The following CACNB2 variants were observed in gnomAD, a reference collection of about 807,000 sequenced individuals.
CACNB2 encodes the protein voltage-dependent L-type calcium channel subunit beta-2.
In CACNB2, 42 loss-of-function variants were observed where a neutral mutation model predicts 73.3. The ratio of observed to expected loss-of-function variants is 0.57; its 90% CI spans 0.45 to 0.74. The LOEUF is 0.74. Ranked by LOEUF, CACNB2 falls within the 30% of genes least tolerant of loss-of-function variation. The pLI, the probability that CACNB2 is intolerant of heterozygous loss-of-function variation, is 0.00. For synonymous variants in CACNB2, 348 were observed against 310.3 expected (o/e 1.12, Z -1.28); for missense variants, 940 against 853.0 (o/e 1.10, Z -1.27).
chr10:18,440,953 T>A (rs755681515), intron 3 of CACNB2, among the ~76,000 whole-genome samples: 2 of 152,198 alleles, frequency 1.3e-5, no homozygotes, highest in African/African-American at 2.4e-5. Context: ...GTGGCATGAT[T>A]TGATATAAAC....
At position 18,297,729 on chromosome 10, in the gene CACNB2, G is replaced by A. The variant is rs78861821; in HGVS notation, c.214-104195G>A. Among the ~76,000 whole-genome samples, 1,370 of 152,248 alleles carry A rather than the reference G, an allele frequency of 9.0e-3. 14 individuals carry two copies. Among genetic ancestry groups the A allele is most frequent in the African/African-American group, 0.031 (1,290 of 41,540 alleles). ...GGGTTTGAGCCCAGATTTTAGGTGA[G>A]ATGAGCTTTCAGCTGGTGGAACATC... On this transcript the variant is annotated intron_variant, in intron 2 of 13. Transcript: ENST00000324631.
chr10:18,276,956 A>T (rs1376737134), intron 2 of CACNB2, among the ~76,000 whole-genome samples: 2 of 152,166 alleles, frequency 1.3e-5, no homozygotes, highest in African/African-American at 4.8e-5. Flanking sequence ...CCACAAAAAA[A>T]TTAAAAAATT....
intron 3 of CACNB2, among the ~76,000 whole-genome samples, chr10:18,425,612 G>A (rs1350202442): frequency 6.6e-6 from 1 of 152,120 alleles, no homozygotes; most frequent in Non-Finnish European, 1.5e-5. Context: ...AGGCTGCAGT[G>A]AGCCGACATT....
intron 2 of CACNB2, among the ~76,000 whole-genome samples, chr10:18,325,419 T>C (rs911277187): frequency 6.6e-6 from 1 of 152,076 alleles, no homozygotes; most frequent in Non-Finnish European, 1.5e-5. Flanking sequence ...GGTCTTGAAC[T>C]CCTGGTCTCA....
chr10:18,499,443 C>T (rs1433075880), intron 4 of CACNB2, among the ~76,000 whole-genome samples: 1 of 151,876 alleles, frequency 6.6e-6, no homozygotes, highest in African/African-American at 2.4e-5. Context: ...TGGTGAACCC[C>T]GTCTCCACTA....
chr10:18,364,546 C>A (rs186012586), intron 2 of CACNB2, among the ~76,000 whole-genome samples: 3 of 152,200 alleles, frequency 2.0e-5, no homozygotes, highest in African/African-American at 7.2e-5. Flanking sequence ...GTGATCCACC[C>A]ACCTTGGCCT....
intron 2 of CACNB2, among the ~76,000 whole-genome samples, chr10:18,179,243 A>T (rs190843477): frequency 6.6e-6 from 1 of 152,292 alleles, no homozygotes; most frequent in East Asian, 1.9e-4. Context: ...GGACAGAAAA[A>T]GAAAGGGTTT....
In CACNB2 at chr10:18,200,262, CA is replaced by C. The variant is rs908629004; in HGVS notation, c.213+49296del. Among the ~76,000 whole-genome samples the C allele has an allele frequency of 2.9e-3, 434 of 148,410 alleles. 1 individual carries two copies. The highest frequency in any genetic ancestry group is 0.01 in the African/African-American group (397 of 39,336). Reference sequence around the variant, plus strand: ...TTGTAGGTATTACATTAATTATACTCAAAAAAAAAGTTTTTTTGTGTTGAAG... The same window carrying C: ...TTGTAGGTATTACATTAATTATACTCAAAAAAAAGTTTTTTTGTGTTGAAG... On this transcript the variant is annotated intron_variant, in intron 2 of 13. Transcript: ENST00000324631.
intron 2 of CACNB2, among the ~76,000 whole-genome samples, chr10:18,189,768 A>G (rs2034314040): frequency 1.3e-5 from 2 of 152,188 alleles, no homozygotes; most frequent in South Asian, 2.1e-4. Flanking sequence ...TTTGTTACAT[A>G]TTGCCAACTT....
intron 2 of CACNB2, among the ~76,000 whole-genome samples, chr10:18,370,596 G>A (rs1244452625): frequency 6.6e-6 from 1 of 152,088 alleles, no homozygotes; most frequent in Non-Finnish European, 1.5e-5. Context: ...CATTGCACCT[G>A]GCCAGAACCC....
intron 2 of CACNB2, among the ~76,000 whole-genome samples, chr10:18,376,177 C>A (rs2042791615): frequency 6.6e-6 from 1 of 152,188 alleles, no homozygotes; most frequent in African/African-American, 2.4e-5. Flanking sequence ...AAATCAGTTT[C>A]TGTCCTTTGC....
At chr10:18,488,070 A>C (rs2049165215) in intron 3 of CACNB2, among the ~76,000 whole-genome samples, 1 of 151,262 alleles carries the variant, frequency 6.6e-6, no homozygotes, top group South Asian at 2.1e-4. Context: ...CGGCCTCCCA[A>C]AGTGCTGGGA....
intron 3 of CACNB2, among the ~76,000 whole-genome samples, chr10:18,409,182 C>T (rs1182656743): frequency 6.6e-6 from 1 of 151,918 alleles, no homozygotes; most frequent in African/African-American, 2.4e-5. Context: ...ATCTGTAAGC[C>T]CAGCTATCCC....
intron 3 of CACNB2, among the ~76,000 whole-genome samples, chr10:18,424,193 C>T (rs946333342): frequency 2.0e-5 from 3 of 151,988 alleles, no homozygotes; most frequent in African/African-American, 4.8e-5. Context: ...TTGGATTTGC[C>T]CAGGAAAGAA....
intron 3 of CACNB2, among the ~76,000 whole-genome samples, chr10:18,416,847 C>T (rs186158756): frequency 9.9e-5 from 15 of 152,098 alleles, no homozygotes; most frequent in African/African-American, 2.9e-4. Context: ...ATAGTTACCC[C>T]ATTTTATGGA....
At chr10:18,511,611 T>G (rs2133105662) in intron 6 of CACNB2, among the ~76,000 whole-genome samples, 1 of 152,350 alleles carries the variant, frequency 6.6e-6, no homozygotes, top group South Asian at 2.1e-4. Flanking sequence ...GTTAGAGAGC[T>G]AACATGTATA....
At chr10:18,252,391 A>G (rs1019619427) in intron 2 of CACNB2, among the ~76,000 whole-genome samples, 4 of 152,204 alleles carry the variant, frequency 2.6e-5, no homozygotes, top group Admixed American at 2.6e-4. Context: ...ATGGTAAATT[A>G]CATAACCGAC....
chr10:18,325,238 A>G (rs1034280251), intron 2 of CACNB2, among the ~76,000 whole-genome samples: 4 of 152,196 alleles, frequency 2.6e-5, no homozygotes, highest in Non-Finnish European at 4.4e-5. Flanking sequence ...CTCCCAGGCT[A>G]GAGTACAGTG....
intron 2 of CACNB2, among the ~76,000 whole-genome samples, chr10:18,293,257 C>T (rs760857505): frequency 9.9e-5 from 15 of 152,086 alleles, no homozygotes; most frequent in African/African-American, 1.7e-4. Context: ...TTATTGTTAT[C>T]GTTGATTCTT....
Sources: allele counts gnomAD v4.1 joint callset (sites outside exome capture counted in the v4.1 genomes callset), GRCh38; gene constraint gnomAD v4.1.1; transcripts MANE v1.5; gene names NCBI Gene and HGNC (gene_info 2026-07-23, HGNC 2026-07-21).